Variants in COL22A1 observed in about 807,000 individuals in gnomAD.
COL22A1 encodes collagen type XXII alpha 1 chain, also known as collagen alpha-1(XXII) chain.
COL22A1 carries 221 observed loss-of-function variants against 248.9 expected under a neutral mutation model. The observed-to-expected ratio is 0.89, with a 90% CI of 0.80 to 0.99. The LOEUF (loss-of-function observed/expected upper bound fraction) is 0.99, where lower values mean the gene tolerates loss of function less well. Ranked by LOEUF, COL22A1 falls within the 50% of genes least tolerant of loss-of-function variation. The pLI is 0.00. For synonymous variants in COL22A1, 891 were observed against 793.4 expected (o/e 1.12, Z -2.07); for missense variants, 2,240 against 2,179.0 (o/e 1.03, Z -0.56).
chr8:138,804,235 G>A (rs369510961), intron 10 of COL22A1, among the ~76,000 whole-genome samples: 4 of 152,136 alleles, frequency 2.6e-5, no homozygotes, highest in African/African-American at 4.8e-5. Context: ...GTAGGGACAC[G>A]GAGCCACCAG....
intron 45 of COL22A1, among the ~76,000 whole-genome samples, chr8:138,651,734 T>C (rs1057310326): frequency 2.0e-5 from 3 of 152,078 alleles, no homozygotes; most frequent in African/African-American, 4.8e-5. Flanking sequence ...CACGGATGGA[T>C]GGATGGATGG....
At chr8:138,606,359 C>G (rs1227712384) in intron 58 of COL22A1, 22 bp downstream of exon 58, 2 of 1,604,954 alleles carry the variant, frequency 1.2e-6, no homozygotes, top group South Asian at 2.2e-5. Context: ...TATCTTGGGC[C>G]CCACTGGGGT....
At chr8:138,602,418 C>A (rs2131836270) in intron 59 of COL22A1, among the ~76,000 whole-genome samples, 1 of 152,338 alleles carries the variant, frequency 6.6e-6, no homozygotes, top group Non-Finnish European at 1.5e-5. Flanking sequence ...GATTCCTCCC[C>A]TACCTCTTGT....
At chr8:138,765,028 C>T (rs1032686730) in intron 16 of COL22A1, among the ~76,000 whole-genome samples, 2 of 152,078 alleles carry the variant, frequency 1.3e-5, no homozygotes, top group African/African-American at 4.8e-5. Context: ...GTGAGTGGAG[C>T]TGCCTGGGTT....
At chr8:138,731,934 T>C (rs1249501529) in intron 23 of COL22A1, among the ~76,000 whole-genome samples, 2 of 152,168 alleles carry the variant, frequency 1.3e-5, no homozygotes, top group Non-Finnish European at 2.9e-5. Flanking sequence ...TCATTTTATG[T>C]CCTTTTTTCT....
chr8:138,612,072 C>T (rs1370474476), intron 56 of COL22A1, among the ~76,000 whole-genome samples: 1 of 150,162 alleles, frequency 6.7e-6, no homozygotes, highest in African/African-American at 2.4e-5. Flanking sequence ...CAAAATGTGT[C>T]TTCTATATGC....
intron 3 of COL22A1, among the ~76,000 whole-genome samples, chr8:138,866,246 G>A (rs578182833): frequency 1.5e-4 from 23 of 152,252 alleles, no homozygotes; most frequent in South Asian, 4.1e-4. Flanking sequence ...CCAAGACATC[G>A]CATAACCCCG....
In COL22A1 at chr8:138,758,586, G is replaced by T. The variant is rs529811020; in HGVS notation, c.1902+1657C>A. On this transcript the variant is annotated intron_variant, in intron 18 of 64. Coordinates refer to ENST00000303045, the MANE Select transcript of COL22A1 (RefSeq NM_152888.3). The stretch of plus-strand genomic sequence containing the variant: ...TTGGGCAAGAAATTGTAATTGTCTA[G>T]ACTTCGGTCTATTATCTGTAAAATG... Among the ~76,000 whole-genome samples, 701 of 152,300 alleles carry T rather than the reference G, an allele frequency of 4.6e-3. 8 individuals are homozygous for T. The highest frequency in any genetic ancestry group is 0.016 in the African/African-American group (679 of 41,560).
rs1417385232 is a variant in COL22A1 at position 138,877,827 on chromosome 8, G to T, written c.581C>A (p.Ser194Tyr). 2 of 1,612,868 alleles carry T rather than the reference G, an allele frequency of 1.2e-6. No individual in the cohort carries two copies. The highest frequency in any genetic ancestry group is 1.7e-5 in the Admixed American group (1 of 59,950). Residue 194 changes from serine to tyrosine, a missense_variant, in exon 3 of 65, where the codon TCC becomes TAC. By Grantham distance (144) the Ser-to-Tyr change is moderately radical. Transcript: ENST00000303045. Reference sequence around the variant, plus strand: ...GTCGGACACGTGGAAGACGTGGGCGGACTTGGGCTCTGAGGCGATCTCCTC... The same window carrying T: ...GTCGGACACGTGGAAGACGTGGGCGTACTTGGGCTCTGAGGCGATCTCCTC... ...ELEEIASEPK[S>Y]AHVFHVSDFN...
At chr8:138,653,682 G>C (rs1246704398) in intron 45 of COL22A1, among the ~76,000 whole-genome samples, 2 of 152,166 alleles carry the variant, frequency 1.3e-5, no homozygotes, top group African/African-American at 4.8e-5. Flanking sequence ...CCAACTACCA[G>C]AAAGAGATAT....
chr8:138,857,189 C>T (rs1386080185), intron 3 of COL22A1, among the ~76,000 whole-genome samples: 1 of 152,106 alleles, frequency 6.6e-6, no homozygotes, highest in African/African-American at 2.4e-5. Flanking sequence ...TTGCCACCTC[C>T]CCACTCCTGT....
chr8:138,694,588 C>G (rs1442445822), intron 33 of COL22A1, 27 bp from the exon 34 acceptor site: 2 of 1,612,660 alleles, frequency 1.2e-6, no homozygotes, highest in Non-Finnish European at 1.7e-6. Flanking sequence ...TGCCATGAAC[C>G]AGCTCATCCT....
chr8:138,877,484 C>T (rs1563875314), intron 3 of COL22A1, among the ~76,000 whole-genome samples: 3 of 152,140 alleles, frequency 2.0e-5, no homozygotes, highest in South Asian at 4.1e-4. Context: ...CATCCCAAAC[C>T]CCTTCTTGCC....
chr8:138,881,478 G>C (rs962352533), intron 2 of COL22A1, among the ~76,000 whole-genome samples: 2 of 152,126 alleles, frequency 1.3e-5, no homozygotes, highest in Non-Finnish European at 2.9e-5. Flanking sequence ...GAGGTGAGGC[G>C]ATCGAGACCG....
chr8:138,610,413 A>G (rs944384113), intron 56 of COL22A1, among the ~76,000 whole-genome samples: 1 of 152,286 alleles, frequency 6.6e-6, no homozygotes, highest in South Asian at 2.1e-4. Context: ...TACATATTCA[A>G]TGTCTAGTTC....
chr8:138,877,705 G>T (rs1489815929), intron 3 of COL22A1, 45 bp downstream of exon 3: 3 of 1,511,502 alleles, frequency 2.0e-6, no homozygotes, highest in South Asian at 2.7e-5. Context: ...CTCAGCAGGG[G>T]GCGTCACTCT....
At chr8:138,802,565 G>T (rs901112945) in intron 11 of COL22A1, among the ~76,000 whole-genome samples, 22 of 152,128 alleles carry the variant, frequency 1.4e-4, no homozygotes, top group African/African-American at 5.1e-4. Flanking sequence ...CCTGTGTAAT[G>T]GCCAGAGTCA....
At chr8:138,722,441 C>T (rs1482006586) in intron 25 of COL22A1, among the ~76,000 whole-genome samples, 3 of 152,316 alleles carry the variant, frequency 2.0e-5, no homozygotes, top group Middle Eastern at 6.8e-3. Context: ...GTCCACACTG[C>T]TCCTCCTCTC....
chr8:138,772,590 G>A (rs1459126700), intron 16 of COL22A1, among the ~76,000 whole-genome samples: 4 of 152,204 alleles, frequency 2.6e-5, no homozygotes, highest in Non-Finnish European at 5.9e-5. Context: ...GAACGGATGC[G>A]TCCATTCACC....
Sources: gnomAD v4.1 joint callset for allele counts (sites outside exome capture counted in the v4.1 genomes callset) on GRCh38, gnomAD v4.1.1 for gene constraint, MANE v1.5 for transcripts, NCBI Gene and HGNC (gene_info 2026-07-23, HGNC 2026-07-21) for gene names.